NALF1: variants seen among roughly 807,000 people sequenced by gnomAD.
NALF1 encodes the protein NALCN channel auxiliary factor 1, also known as family with sequence similarity 155 member A.
NALF1 carries 3 observed loss-of-function variants against 48.4 expected under a neutral mutation model. The observed-to-expected ratio is 0.06, with a 90% CI of 0.03 to 0.16. NALF1 has a LOEUF of 0.16. Among genes scored for constraint, NALF1 ranks in the 10% least tolerant of loss-of-function variants. The pLI, the probability that NALF1 is intolerant of heterozygous loss-of-function variation, is 1.00. For synonymous variants in NALF1, 262 were observed against 245.7 expected (o/e 1.07, Z -0.62); for missense variants, 526 against 571.5 (o/e 0.92, Z 0.81).
intron 1 of NALF1, among the ~76,000 whole-genome samples, chr13:107,505,814 A>G (rs1875680029): frequency 6.6e-6 from 1 of 152,314 alleles, no homozygotes; most frequent in East Asian, 1.9e-4. Context: ...GATTATTTCC[A>G]TATTATTGTG....
chr13:107,237,824 G>C (rs1880383915), intron 1 of NALF1, among the ~76,000 whole-genome samples: 1 of 152,250 alleles, frequency 6.6e-6, no homozygotes, highest in African/African-American at 2.4e-5. Context: ...TGTATATTGG[G>C]TGAAAAGAGC....
intron 1 of NALF1, among the ~76,000 whole-genome samples, chr13:107,608,520 T>G (rs1422474606): frequency 6.6e-6 from 1 of 152,182 alleles, no homozygotes. Flanking sequence ...AGCACAGACT[T>G]TGTTACTTAA....
chr13:107,587,033 C>G (rs899976788), intron 1 of NALF1, among the ~76,000 whole-genome samples: 2 of 151,948 alleles, frequency 1.3e-5, no homozygotes, highest in African/African-American at 4.8e-5. Context: ...CAGTTTTGGA[C>G]CTTTACTCAC....
chr13:107,399,588 T>C (rs992444621), intron 1 of NALF1, among the ~76,000 whole-genome samples: 1 of 152,086 alleles, frequency 6.6e-6, no homozygotes, highest in African/African-American at 2.4e-5. Flanking sequence ...GAAACTTTCA[T>C]CCTAATCCTT....
At chr13:107,693,553 C>T (rs1881623132) in intron 1 of NALF1, among the ~76,000 whole-genome samples, 1 of 150,914 alleles carries the variant, frequency 6.6e-6, no homozygotes, top group Non-Finnish European at 1.5e-5. Context: ...TGCACGGAAT[C>T]TCTGCCACGC....
At chr13:107,478,731 A>G (rs1885210105) in intron 1 of NALF1, among the ~76,000 whole-genome samples, 1 of 152,054 alleles carries the variant, frequency 6.6e-6, no homozygotes, top group South Asian at 2.1e-4. Flanking sequence ...TTGTTTTTAT[A>G]ATTTTTTTTT....
At chr13:107,496,257 A>G (rs1875331167) in intron 1 of NALF1, among the ~76,000 whole-genome samples, 1 of 152,210 alleles carries the variant, frequency 6.6e-6, no homozygotes, top group African/African-American at 2.4e-5. Context: ...TTTTAGGCAC[A>G]AATAGTATGA....
rs1347607396 is a variant in NALF1, at chr13:107,571,126, C to T, written c.915+294556G>A. 2.0e-5 allele frequency among the ~76,000 whole-genome samples: 3 copies of T among 152,024 alleles called. No homozygotes were observed. The East Asian group carries it at 5.8e-4, about 29-fold the overall frequency. ...TAAGAAATATATGTTTGGTTTCTGC[C>T]CCCAGTTCCTGACACTTAAATCATA... On this transcript the variant is annotated intron_variant, in intron 1 of 2. Transcript: ENST00000375915.
At chr13:107,758,246 A>G (rs973987563) in intron 1 of NALF1, among the ~76,000 whole-genome samples, 3 of 152,238 alleles carry the variant, frequency 2.0e-5, no homozygotes, top group Admixed American at 6.5e-5. Context: ...CTATTTCTAC[A>G]TAAGTGTGGG....
At chr13:107,316,099 C>T (rs950935515) in intron 1 of NALF1, among the ~76,000 whole-genome samples, 2 of 152,000 alleles carry the variant, frequency 1.3e-5, no homozygotes, top group African/African-American at 2.4e-5. Flanking sequence ...CTCCTGTGTC[C>T]ATGTGTTCTC....
At chr13:107,276,669 T>C (rs1471522879) in intron 1 of NALF1, among the ~76,000 whole-genome samples, 3 of 152,174 alleles carry the variant, frequency 2.0e-5, no homozygotes, top group Non-Finnish European at 2.9e-5. Flanking sequence ...CATCTTTGTA[T>C]AGAATATAAC....
chr13:107,503,744 T>G (rs1483070561), intron 1 of NALF1, among the ~76,000 whole-genome samples: 2 of 54,604 alleles, frequency 3.7e-5, no homozygotes, highest in Non-Finnish European at 6.6e-5. Context: ...GTGTGTCTGG[T>G]GTGTGTGTTT....
In NALF1 at chr13:107,767,938, G is replaced by A. The variant is rs527635956; in HGVS notation, c.915+97744C>T. 9.2e-5 allele frequency among the ~76,000 whole-genome samples: 14 copies of A among 152,280 alleles called. No homozygotes were observed. The East Asian group carries it at 2.7e-3, about 29-fold the overall frequency. On this transcript the variant is annotated intron_variant, in intron 1 of 2. Transcript: ENST00000375915. ...GATGTATGAAGTAGAGACACGTTGAGAAAGTAAGGACTACCCGGAATGATC... is the reference window on the plus strand; with the variant it reads ...GATGTATGAAGTAGAGACACGTTGAAAAAGTAAGGACTACCCGGAATGATC...
At position 107,866,228 on chromosome 13, in the gene NALF1, G is replaced by T; in HGVS notation, c.369C>A (p.Leu123=). Residue 123 remains leucine, a synonymous_variant, in exon 1 of 3, where the codon CTC becomes CTA. Transcript: ENST00000375915. The surrounding 1 kb of genome is among the most constrained non-coding windows in gnomAD (Gnocchi z 4.4). ...SSPAAQAHRL[L]SASSSPTLPP... ...GCAGGGTGGGGGACGAGGAGGCGGA[G>T]AGGAGTCTGTGTGCCTGGGCGGCGG... The T allele has an allele frequency of 6.3e-7, 1 of 1,595,714 alleles. No individual in the cohort carries two copies.
intron 1 of NALF1, among the ~76,000 whole-genome samples, chr13:107,418,311 C>G (rs1884128261): frequency 6.6e-6 from 1 of 152,038 alleles, no homozygotes; most frequent in Admixed American, 6.6e-5. Flanking sequence ...GAGCAGGGAT[C>G]ACTTACTGCC....
chr13:107,808,485 A>G (rs1878878159), intron 1 of NALF1, among the ~76,000 whole-genome samples: 1 of 152,126 alleles, frequency 6.6e-6, no homozygotes, highest in Non-Finnish European at 1.5e-5. Context: ...CTTCCTGCAC[A>G]ACAGGGTAAT....
chr13:107,215,975 C>T (rs1055776949), intron 1 of NALF1, among the ~76,000 whole-genome samples: 8 of 152,086 alleles, frequency 5.3e-5, no homozygotes, highest in African/African-American at 1.7e-4. Flanking sequence ...GAAAAAATAT[C>T]ATGTTGGCTA....
rs370547749 is a variant in NALF1, at chr13:107,608,772, C to T, written c.915+256910G>A. Reference sequence around the variant, plus strand: ...CCCAAGGCTAAGGATGAGGCTACTTCGCCAGTGAAGGAAGAGGTGAACGGC... The same window carrying T: ...CCCAAGGCTAAGGATGAGGCTACTTTGCCAGTGAAGGAAGAGGTGAACGGC... On this transcript the variant is annotated intron_variant, in intron 1 of 2. Transcript: ENST00000375915. 3.5e-4 allele frequency among the ~76,000 whole-genome samples: 54 copies of T among 152,330 alleles called. 1 individual carries two copies. The South Asian group carries it at 0.011, about 30-fold the overall frequency.
chr13:107,177,938 T>G (rs1304098879), intron 2 of NALF1, among the ~76,000 whole-genome samples: 1 of 151,910 alleles, frequency 6.6e-6, no homozygotes, highest in Non-Finnish European at 1.5e-5. Context: ...ATCCCAGCTA[T>G]GGGGAGCCTG....
Sources: gnomAD v4.1 joint callset for allele counts (sites outside exome capture counted in the v4.1 genomes callset) on GRCh38, gnomAD v4.1.1 for gene constraint, Gnocchi (gnomAD v3.1) non-coding constraint, MANE v1.5 for transcripts, NCBI Gene and HGNC (gene_info 2026-07-23, HGNC 2026-07-21) for gene names.